The following SEMA5B variants were observed in gnomAD, a reference collection of about 807,000 sequenced individuals.
The protein encoded by SEMA5B is semaphorin 5B.
SEMA5B carries 66 observed loss-of-function variants against 135.0 expected under a neutral mutation model. The observed-to-expected ratio is 0.49, with a 90% CI of 0.40 to 0.60. SEMA5B has a LOEUF of 0.60. Among genes scored for constraint, SEMA5B ranks in the 20% least tolerant of loss-of-function variants. SEMA5B has a pLI of 0.00. For missense variants in SEMA5B, 1,501 were observed against 1,566.3 expected (o/e 0.96, Z 0.70); for synonymous variants, 690 against 639.5 (o/e 1.08, Z -1.19).
At chr3:122,958,948 C>T (rs1940457494) in intron 2 of SEMA5B, among the ~76,000 whole-genome samples, 1 of 152,176 alleles carries the variant, frequency 6.6e-6, no homozygotes. Context: ...GTCCCACCCA[C>T]ATCCCTCCAG....
At chr3:122,965,516 C>G (rs945450171) in intron 1 of SEMA5B, among the ~76,000 whole-genome samples, 1 of 152,220 alleles carries the variant, frequency 6.6e-6, no homozygotes. Context: ...GCTATAGCAG[C>G]CCTGTTTTAA....
rs545163821 is a variant in SEMA5B, at chr3:122,959,009, G to C, written c.124+2131C>G. Among the ~76,000 whole-genome samples the C allele has an allele frequency of 4.6e-5, 7 of 152,302 alleles. No individual in the cohort carries two copies. In the East Asian group the frequency reaches 1.2e-3, roughly 25 times the overall value. On this transcript the variant is annotated intron_variant, in intron 2 of 22. Coordinates refer to ENST00000357599, the MANE Select transcript of SEMA5B (RefSeq NM_001031702.4). ...AAGGTGATGACCAAAAGTTTAACAA[G>C]AAGGGCTCTGACACAGATTACATGG...
At chr3:123,020,197 G>A (rs1004197129) in intron 1 of SEMA5B, among the ~76,000 whole-genome samples, 9 of 152,186 alleles carry the variant, frequency 5.9e-5, no homozygotes, top group South Asian at 2.1e-4. Flanking sequence ...GTCCAACCAC[G>A]GGGGGTTTGT....
intron 1 of SEMA5B, among the ~76,000 whole-genome samples, chr3:123,026,374 C>T (rs1358280194): frequency 6.6e-6 from 1 of 152,014 alleles, no homozygotes; most frequent in Non-Finnish European, 1.5e-5. Context: ...TCCTCTCTCC[C>T]CATCCAGACT....
At position 122,926,628 on chromosome 3, in the gene SEMA5B, G is replaced by A. The variant is rs748941650; in HGVS notation, c.900C>T (p.Phe300=). 1 of 1,614,250 alleles carries A rather than the reference G, an allele frequency of 6.2e-7. No individual in the cohort carries two copies. Among genetic ancestry groups the A allele is most frequent in the Non-Finnish European group, 8.5e-7 (1 of 1,180,044 alleles). Residue 300 remains phenylalanine (F), a synonymous_variant, in exon 9 of 23, where the codon TTC becomes TTT. Transcript: ENST00000357599. ...AYDIGLFAYF[F]LRENAVEHDC... Reference sequence around the variant, plus strand: ...CGTGCTCCACTGCGTTCTCCCGCAGGAAGAAGTATGCAAACAGCCCAATAT... The same window carrying A: ...CGTGCTCCACTGCGTTCTCCCGCAGAAAGAAGTATGCAAACAGCCCAATAT...
chr3:122,959,947 T>A (rs1940501162), intron 2 of SEMA5B, among the ~76,000 whole-genome samples: 1 of 152,224 alleles, frequency 6.6e-6, no homozygotes, highest in African/African-American at 2.4e-5. Context: ...ATTGCTGAAA[T>A]TAAATGCTAA....
At chr3:122,936,120 G>C (rs1452104257) in intron 5 of SEMA5B, among the ~76,000 whole-genome samples, 1 of 152,152 alleles carries the variant, frequency 6.6e-6, no homozygotes, top group Non-Finnish European at 1.5e-5. Context: ...TTTGTGAAGG[G>C]GTGGAGAGAG....
intron 1 of SEMA5B, among the ~76,000 whole-genome samples, chr3:122,997,484 T>A (rs184734876): frequency 1.6e-3 from 239 of 151,140 alleles, no homozygotes; most frequent in Non-Finnish European, 2.9e-3. Flanking sequence ...GCCAGGAGAC[T>A]GAGGCCACGC....
chr3:123,020,867 T>C (rs1324659420), intron 1 of SEMA5B, among the ~76,000 whole-genome samples: 1 of 152,212 alleles, frequency 6.6e-6, no homozygotes, highest in Non-Finnish European at 1.5e-5. Context: ...TTGAGGCTGT[T>C]CACCCCACTT....
At chr3:122,987,762 A>T (rs1233929569) in intron 1 of SEMA5B, among the ~76,000 whole-genome samples, 2 of 152,184 alleles carry the variant, frequency 1.3e-5, no homozygotes, top group African/African-American at 4.8e-5. Flanking sequence ...ACTGAAATTA[A>T]TGGGGATGTA....
intron 1 of SEMA5B, among the ~76,000 whole-genome samples, chr3:123,008,775 G>A (rs1219859174): frequency 1.3e-5 from 2 of 152,160 alleles, no homozygotes; most frequent in African/African-American, 2.4e-5. Context: ...TTGAAGACAG[G>A]GGGAGAGAGG....
chr3:122,956,031 C>T (rs893662668), intron 2 of SEMA5B, among the ~76,000 whole-genome samples: 2 of 152,218 alleles, frequency 1.3e-5, no homozygotes, highest in Non-Finnish European at 2.9e-5. Flanking sequence ...CAGACAGCGA[C>T]CCATGGCCCC....
intron 2 of SEMA5B, among the ~76,000 whole-genome samples, chr3:122,956,903 T>C (rs1475271187): frequency 6.6e-6 from 1 of 152,068 alleles, no homozygotes; most frequent in Admixed American, 6.6e-5. Flanking sequence ...CTAAGAGGCC[T>C]CACGTAGAAG....
chr3:123,016,940 G>A (rs572320937), intron 1 of SEMA5B, among the ~76,000 whole-genome samples: 12 of 142,650 alleles, frequency 8.4e-5, no homozygotes, highest in Admixed American at 7.9e-4. Context: ...CACCCAGGCT[G>A]AAGTGCAGTG....
Position 122,948,654 on chromosome 3 carries a change from C to T in SEMA5B, c.180G>A (p.Val60=). 6.2e-7 allele frequency: 1 copy of T among 1,613,650 alleles called. No individual in the cohort carries two copies. Among genetic ancestry groups the T allele is most frequent in the Non-Finnish European group, 8.5e-7 (1 of 1,179,808 alleles). Residue 60 remains valine, a synonymous_variant, in exon 3 of 23, where the codon GTG becomes GTA. Coordinates refer to ENST00000357599, the MANE Select transcript of SEMA5B (RefSeq NM_001031702.4). ...GARTAEGPIM[V]LAGPLAVSLL... ...GCGAGACAGCCAGGGGGCCTGCAAG[C>T]ACCATGATAGGCCCCTCTGCAGTCC...
At chr3:122,914,934 G>A (rs1937986483) in intron 14 of SEMA5B, among the ~76,000 whole-genome samples, 1 of 138,744 alleles carries the variant, frequency 7.2e-6, no homozygotes, top group African/African-American at 3.5e-5. Context: ...GTGTCTAATG[G>A]AGTCCCCAGG....
chr3:122,919,764 C>A (rs1938258076), intron 12 of SEMA5B, among the ~76,000 whole-genome samples: 1 of 152,110 alleles, frequency 6.6e-6, no homozygotes, highest in Non-Finnish European at 1.5e-5. Flanking sequence ...TTGGATTCAC[C>A]TATAGTTTTT....
At chr3:123,005,430 T>C (rs536425803) in intron 1 of SEMA5B, among the ~76,000 whole-genome samples, 76 of 152,252 alleles carry the variant, frequency 5.0e-4, no homozygotes, top group African/African-American at 1.8e-3. Flanking sequence ...GGTGCGATCA[T>C]AGCTCACCAC....
At chr3:123,028,010 C>A (rs1433754219), upstream of SEMA5B, among the ~76,000 whole-genome samples, 2 of 152,158 alleles carry the variant, frequency 1.3e-5, no homozygotes, top group African/African-American at 4.8e-5. Context: ...TGGGCCGAAG[C>A]CCCTTCCCCG....
Sources: gnomAD v4.1 joint callset for allele counts (sites outside exome capture counted in the v4.1 genomes callset) on GRCh38, gnomAD v4.1.1 for gene constraint, MANE v1.5 for transcripts, NCBI Gene and HGNC (gene_info 2026-07-23, HGNC 2026-07-21) for gene names.